Variants in CYRIA observed in about 807,000 individuals in gnomAD.
CYRIA encodes CYFIP related Rac1 interactor A.
In CYRIA, 15 loss-of-function variants were observed where a neutral mutation model predicts 43.9. That is an observed-to-expected ratio of 0.34 (90% CI 0.23 to 0.53). The LOEUF is 0.53. Ranked by LOEUF, CYRIA falls within the 20% of genes least tolerant of loss-of-function variation. The pLI, the probability that CYRIA is intolerant of heterozygous loss-of-function variation, is 0.94. For missense variants in CYRIA, 236 were observed against 394.2 expected (o/e 0.60, Z 3.40); for synonymous variants, 117 against 136.0 (o/e 0.86, Z 0.97).
At chr2:16,660,829 G>A (rs1251184895) in intron 1 of CYRIA, among the ~76,000 whole-genome samples, 1 of 152,198 alleles carries the variant, frequency 6.6e-6, no homozygotes, top group African/African-American at 2.4e-5. Context: ...ACATCTGTCT[G>A]CAGCGCTAAG....
chr2:16,613,298 G>A (rs1668668194), intron 2 of CYRIA, among the ~76,000 whole-genome samples: 1 of 152,218 alleles, frequency 6.6e-6, no homozygotes, highest in Admixed American at 6.5e-5. Context: ...TGTCCCAGGG[G>A]AGGACATGAT....
intron 1 of CYRIA, among the ~76,000 whole-genome samples, chr2:16,632,078 C>G (rs764987018): frequency 1.3e-5 from 2 of 152,252 alleles, no homozygotes; most frequent in Non-Finnish European, 1.5e-5. Context: ...TTGGGTGTTC[C>G]GTAGAGACCA....
chr2:16,593,844 T>C (rs1247494182), intron 2 of CYRIA, among the ~76,000 whole-genome samples: 1 of 148,136 alleles, frequency 6.8e-6, no homozygotes, highest in Non-Finnish European at 1.5e-5. Flanking sequence ...TCATCTAGCA[T>C]TAGGTATATC....
chr2:16,555,116 C>A lies in CYRIA; in HGVS notation c.861G>T (p.Leu287Phe). The change falls in exon 11 of 12, where the codon TTG (leucine) becomes TTT (phenylalanine). Residue 287 changes from leucine (L) to phenylalanine (F), a missense_variant. Around this residue, in one of 3 missense-constraint regions of CYRIA, gnomAD observed 40 missense variants for 62.2 expected, o/e 0.64. Coordinates refer to ENST00000381323, the MANE Select transcript of CYRIA (RefSeq NM_030797.4). ...CCACACTGTCTGGGGCCTGCTCCTT[C>A]AAAACTTTTATGCAGCCTTTCATCT... ...KIDMKGCIKV[L>F]KEQAPDSVEG... 1 of 1,613,104 alleles carries A rather than the reference C, an allele frequency of 6.2e-7. No individual in the cohort carries two copies. The highest frequency in any genetic ancestry group is 2.2e-5 in the East Asian group (1 of 44,826).
intron 1 of CYRIA, among the ~76,000 whole-genome samples, chr2:16,626,911 C>T (rs892746031): frequency 2.6e-5 from 4 of 152,206 alleles, no homozygotes; most frequent in Admixed American, 6.5e-5. Flanking sequence ...CAGTGAAATG[C>T]TTTTCCATAT....
intron 1 of CYRIA, among the ~76,000 whole-genome samples, chr2:16,628,951 C>A (rs1572188384): frequency 6.6e-6 from 1 of 152,150 alleles, no homozygotes; most frequent in African/African-American, 2.4e-5. Context: ...GTCACTAATT[C>A]AAACAGTGTA....
In CYRIA at chr2:16,582,734, A is replaced by G. The variant is rs532385831; in HGVS notation, c.70+5316T>C. 3.9e-5 allele frequency among the ~76,000 whole-genome samples: 6 copies of G among 152,328 alleles called. No individual in the cohort carries two copies. In the East Asian group the frequency reaches 1.2e-3, roughly 29 times the overall value. On this transcript the variant is annotated intron_variant, in intron 3 of 11. Transcript: ENST00000381323. ...ATCAATAATATTGCATTGAATTGAT[A>G]TAACATTTCATTTGCCCATTCGTCA...
chr2:16,565,437 C>A (rs1304537662), intron 4 of CYRIA, among the ~76,000 whole-genome samples: 2 of 152,178 alleles, frequency 1.3e-5, no homozygotes, highest in Non-Finnish European at 2.9e-5. Flanking sequence ...CCACCTGCCT[C>A]AGCCTCCCAA....
intron 3 of CYRIA, among the ~76,000 whole-genome samples, chr2:16,571,567 T>C (rs1306948212): frequency 3.3e-5 from 5 of 152,250 alleles, no homozygotes; most frequent in African/African-American, 1.2e-4. Context: ...CGTTTAGGAC[T>C]GTATGGACAA....
intron 2 of CYRIA, among the ~76,000 whole-genome samples, chr2:16,611,000 T>C (rs1668580487): frequency 6.7e-6 from 1 of 149,602 alleles, no homozygotes; most frequent in Non-Finnish European, 1.5e-5. Context: ...GTTGAACTTC[T>C]TGAGGACAGG....
intron 2 of CYRIA, among the ~76,000 whole-genome samples, chr2:16,607,597 T>G (rs935454182): frequency 6.6e-5 from 10 of 152,150 alleles, no homozygotes; most frequent in African/African-American, 2.4e-4. Context: ...TTCTGCCTTT[T>G]TTCTTTTTTT....
intron 2 of CYRIA, among the ~76,000 whole-genome samples, chr2:16,603,331 T>C (rs2103480072): frequency 6.6e-6 from 1 of 152,340 alleles, no homozygotes; most frequent in African/African-American, 2.4e-5. Context: ...TTTTAATTTT[T>C]ACAACAACCA....
chr2:16,658,053 A>T (rs893222553), intron 1 of CYRIA, among the ~76,000 whole-genome samples: 2 of 152,232 alleles, frequency 1.3e-5, no homozygotes, highest in African/African-American at 4.8e-5. Flanking sequence ...CAGAAAAAAA[A>T]TACATGTTTA....
At chr2:16,567,056 G>C (rs1356115254) in intron 3 of CYRIA, among the ~76,000 whole-genome samples, 2 of 152,090 alleles carry the variant, frequency 1.3e-5, no homozygotes, top group Non-Finnish European at 2.9e-5. Context: ...ATCTTCGTGG[G>C]AGTACAAGGG....
chr2:16,624,951 T>C (rs748708011), intron 1 of CYRIA, among the ~76,000 whole-genome samples: 38 of 152,222 alleles, frequency 2.5e-4, no homozygotes, highest in Admixed American at 6.5e-4. Flanking sequence ...AGAGATACAA[T>C]GCAGAAGCAG....
At chr2:16,587,040 T>A (rs989728716) in intron 3 of CYRIA, among the ~76,000 whole-genome samples, 1 of 152,146 alleles carries the variant, frequency 6.6e-6, no homozygotes, top group Non-Finnish European at 1.5e-5. Flanking sequence ...CTTTTTTCAG[T>A]CATGATTCTT....
chr2:16,601,665 C>A (rs1400785279), intron 2 of CYRIA, among the ~76,000 whole-genome samples: 3 of 150,480 alleles, frequency 2.0e-5, no homozygotes, highest in African/African-American at 7.4e-5. Context: ...CAGTGGAAAA[C>A]CATGACTCTC....
chr2:16,586,672 G>A lies in CYRIA; in HGVS notation c.70+1378C>T, dbSNP rs1411395936. On this transcript the variant is annotated intron_variant, in intron 3 of 11. Transcript: ENST00000381323. ...CCAAAAAAAAAAAAAATACACCTAC[G>A]GAGCTTACACTTTTGGTTTAGTGCA... Among the ~76,000 whole-genome samples, 5 of 151,420 alleles carry A rather than the reference G, an allele frequency of 3.3e-5. No individual in the cohort carries two copies. The South Asian group carries it at 6.3e-4, about 19-fold the overall frequency.
intron 1 of CYRIA, among the ~76,000 whole-genome samples, chr2:16,642,077 TC>T (rs1420349991): frequency 6.6e-6 from 1 of 152,168 alleles, no homozygotes; most frequent in African/African-American, 2.4e-5. Context: ...CCCTTCAGCC[TC>T]TCTACTTTAT....
Sources: allele counts gnomAD v4.1 joint callset (sites outside exome capture counted in the v4.1 genomes callset), GRCh38; gene constraint gnomAD v4.1.1; regional missense constraint gnomAD v4.1.1; transcripts MANE v1.5; gene names NCBI Gene and HGNC (gene_info 2026-07-23, HGNC 2026-07-21).